The following SLC25A46 variants were observed in gnomAD, a reference collection of about 807,000 sequenced individuals.
The protein encoded by SLC25A46 is solute carrier family 25 member 46, also known as mitochondrial outer membrane protein SLC25A46.
SLC25A46 carries 39 observed loss-of-function variants against 44.6 expected under a neutral mutation model. The observed-to-expected ratio is 0.87, with a 90% CI of 0.68 to 1.14. The LOEUF is 1.14. SLC25A46 is among the 50% of genes most tolerant of loss of function. The pLI, the probability that SLC25A46 is intolerant of heterozygous loss-of-function variation, is 0.00. For synonymous variants in SLC25A46, 202 were observed against 185.8 expected, an observed-to-expected ratio of 1.09 and a Z score of -0.71; for missense variants, 547 against 522.7, an observed-to-expected ratio of 1.05 and a Z score of -0.45.
chr5:110,752,371 C>T (rs1228147945), intron 5 of SLC25A46, among the ~76,000 whole-genome samples: 2 of 152,090 alleles, frequency 1.3e-5, no homozygotes, highest in Non-Finnish European at 2.9e-5. Flanking sequence ...AACCATGTGT[C>T]GTTCTACCCC....
chr5:110,761,351 T>G lies in SLC25A46; in HGVS notation c.826T>G (p.Tyr276Asp). Residue 276 changes from tyrosine to aspartate, a missense_variant, in exon 8 of 8, where the codon TAC becomes GAC. Transcript: ENST00000355943. The surrounding 1 kb of genome is among the most constrained non-coding windows in gnomAD (Gnocchi z 5.3). The stretch of plus-strand genomic sequence containing the variant: ...TACGGTGCTTCATGGAGTTCTTCAT[T>G]ACATCATCAGCTCAGTTATTCAGAA... ...FPTVLHGVLHYIISSVIQKFV... is the reference protein window; with the variant it reads ...FPTVLHGVLHDIISSVIQKFV... 6.2e-7 allele frequency: 1 copy of G among 1,613,810 alleles called. No homozygotes were observed. Among genetic ancestry groups the G allele is most frequent in the Middle Eastern group, 1.7e-4 (1 of 6,058 alleles).
At chr5:110,751,815 C>A (rs1799974677) in intron 5 of SLC25A46, among the ~76,000 whole-genome samples, 1 of 152,134 alleles carries the variant, frequency 6.6e-6, no homozygotes, top group Admixed American at 6.5e-5. Context: ...AATGGTAGAT[C>A]AAAGAGAAGG....
intron 5 of SLC25A46, among the ~76,000 whole-genome samples, chr5:110,752,624 A>G (rs1409204210): frequency 3.3e-5 from 5 of 152,186 alleles, no homozygotes; most frequent in Admixed American, 1.3e-4. Context: ...AAACACAATG[A>G]AATCTTCCTC....
chr5:110,745,285 G>A lies in SLC25A46; in HGVS notation c.385-984G>A, dbSNP rs1253036231. ...TTTTGTTTGTTTGAGACGGAGTCTC[G>A]CTCTGTTGCCCAAACTGGAGTGCAG... On this transcript the variant is annotated intron_variant, in intron 3 of 7. Coordinates refer to ENST00000355943, the MANE Select transcript of SLC25A46 (RefSeq NM_138773.4). Among the ~76,000 whole-genome samples, 6 of 151,630 alleles carry A rather than the reference G, an allele frequency of 4.0e-5. No homozygotes were observed. The East Asian group carries it at 7.8e-4, about 20-fold the overall frequency.
chr5:110,746,770 G>A (rs771096605), intron 4 of SLC25A46, among the ~76,000 whole-genome samples: 13 of 152,176 alleles, frequency 8.5e-5, no homozygotes, highest in Non-Finnish European at 1.5e-4. Flanking sequence ...TGTGCTTCTT[G>A]TTGAGAAGTC....
chr5:110,746,418 G>GCTTT, intron 4 of SLC25A46, 72 bp downstream of exon 4: 2 of 1,002,940 alleles, frequency 2.0e-6, no homozygotes, highest in Non-Finnish European at 3.0e-6. Flanking sequence ...ATTAAAGCAA[G>GCTTT]AATAATTACT....
intron 3 of SLC25A46, among the ~76,000 whole-genome samples, chr5:110,744,247 G>A (rs1036467091): frequency 6.6e-6 from 1 of 152,132 alleles, no homozygotes. Context: ...TTGAAAGCAG[G>A]AGAGGAGTAT....
At chr5:110,744,782 G>T (rs1022868895) in intron 3 of SLC25A46, among the ~76,000 whole-genome samples, 1 of 152,158 alleles carries the variant, frequency 6.6e-6, no homozygotes, top group African/African-American at 2.4e-5. Flanking sequence ...GTTTTTCTAA[G>T]TAAAAATGAT....
At chr5:110,750,825 A>C (rs1043764935) in intron 5 of SLC25A46, among the ~76,000 whole-genome samples, 21 of 152,272 alleles carry the variant, frequency 1.4e-4, no homozygotes, top group African/African-American at 4.8e-4. Context: ...GGTCCTGGCT[A>C]TTCCACTTTT....
intron 3 of SLC25A46, among the ~76,000 whole-genome samples, chr5:110,744,157 C>T (rs1443462188): frequency 1.3e-5 from 2 of 152,124 alleles, no homozygotes; most frequent in South Asian, 2.1e-4. Context: ...CAGTTTCTCT[C>T]GTATGCTTCT....
At chr5:110,754,437 T>C (rs1800053458) in intron 5 of SLC25A46, 1 of 151,532 alleles carries the variant, frequency 6.6e-6, no homozygotes, top group African/African-American at 2.4e-5. Context: ...TGACTCTTTT[T>C]GGACTTTTCT....
intron 7 of SLC25A46, 121 bp downstream of exon 7, chr5:110,756,880 T>A: frequency 1.1e-5 from 6 of 537,364 alleles, no homozygotes; most frequent in Non-Finnish European, 1.5e-5. Flanking sequence ...AAATATTTAT[T>A]TTATAAATAT....
At chr5:110,750,798 A>G (rs1056967171) in intron 5 of SLC25A46, among the ~76,000 whole-genome samples, 2 of 152,182 alleles carry the variant, frequency 1.3e-5, no homozygotes, top group Non-Finnish European at 2.9e-5. Context: ...ATTTGCAACC[A>G]GAACACTATT....
upstream of SLC25A46, chr5:110,738,904 C>A: frequency 7.7e-7 from 1 of 1,296,256 alleles, no homozygotes; most frequent in Non-Finnish European, 1.0e-6. Context: ...GTCCAGGTTA[C>A]CGCCGCGTCT....
intron 7 of SLC25A46, among the ~76,000 whole-genome samples, chr5:110,760,639 C>G (rs1457004740): frequency 6.6e-6 from 1 of 152,132 alleles, no homozygotes; most frequent in Non-Finnish European, 1.5e-5. Flanking sequence ...ATTCATATCC[C>G]CAAAATTCTA....
intron 6 of SLC25A46, among the ~76,000 whole-genome samples, 164 bp downstream of exon 6, chr5:110,755,685 T>G (rs1800094853): frequency 6.6e-6 from 1 of 152,142 alleles, no homozygotes; most frequent in East Asian, 1.9e-4. Context: ...AGTTTAGGAA[T>G]AAATCCTGAA....
chr5:110,758,490 T>C (rs1339096611), intron 7 of SLC25A46, among the ~76,000 whole-genome samples: 3 of 152,182 alleles, frequency 2.0e-5, no homozygotes, highest in African/African-American at 7.2e-5. Context: ...TCATCCTTCA[T>C]AATTACCCAG....
At chr5:110,740,786 C>T (rs1799659219) in intron 1 of SLC25A46, among the ~76,000 whole-genome samples, 1 of 151,936 alleles carries the variant, frequency 6.6e-6, no homozygotes, top group Non-Finnish European at 1.5e-5. Context: ...CCCGTCTCCA[C>T]TAAAAAATAG....
chr5:110,761,605 TC>T lies in SLC25A46; in HGVS notation c.1082del (p.Pro361GlnfsTer9). 1 of 1,613,742 alleles carries T rather than the reference TC, an allele frequency of 6.2e-7. No homozygotes were observed. ...ATACAGACCTTGGCTATGAAGTGCT[TC>T]CAATTAATACACAATATGAGGGAAT... ...DNTDLGYEVL[P>X]INTQYEGMRD... On this transcript the variant is annotated frameshift_variant, in exon 8 of 8. Transcript: ENST00000355943. LOFTEE classifies it high-confidence loss of function. The surrounding 1 kb of genome is among the most constrained non-coding windows in gnomAD (Gnocchi z 5.3).
Sources: allele counts gnomAD v4.1 joint callset (sites outside exome capture counted in the v4.1 genomes callset), GRCh38; gene constraint gnomAD v4.1.1; non-coding constraint Gnocchi (gnomAD v3.1); transcripts MANE v1.5; gene names NCBI Gene and HGNC (gene_info 2026-07-23, HGNC 2026-07-21).